CRTAC1: variants seen among roughly 807,000 people sequenced by gnomAD.
CRTAC1 encodes the protein acidic secreted protein in cartilage.
Under a neutral mutation model 67.8 loss-of-function variants are expected in CRTAC1, and 37 were observed. The observed-to-expected ratio is 0.55, with a 90% CI of 0.42 to 0.72. The LOEUF (loss-of-function observed/expected upper bound fraction) is 0.72. Ranked by LOEUF, CRTAC1 falls within the 30% of genes least tolerant of loss-of-function variation. The pLI, the probability that CRTAC1 is intolerant of heterozygous loss-of-function variation, is 0.00. For synonymous variants in CRTAC1, 348 were observed against 371.0 expected, an observed-to-expected ratio of 0.94 and a Z score of 0.71; for missense variants, 780 against 931.6, an observed-to-expected ratio of 0.84 and a Z score of 2.12.
intron 8 of CRTAC1, among the ~76,000 whole-genome samples, chr10:97,900,178 C>T (rs2136563594): frequency 6.6e-6 from 1 of 152,338 alleles, no homozygotes; most frequent in African/African-American, 2.4e-5. Context: ...CCAGCCCTTC[C>T]TCCCTAGACA....
At chr10:98,008,774 A>T (rs1402707240) in intron 2 of CRTAC1, among the ~76,000 whole-genome samples, 1 of 152,152 alleles carries the variant, frequency 6.6e-6, no homozygotes, top group Non-Finnish European at 1.5e-5. Flanking sequence ...AAAGGAGGGC[A>T]TAATAGTAGC....
chr10:97,922,764 G>A (rs1012213997), intron 4 of CRTAC1, among the ~76,000 whole-genome samples: 4 of 152,298 alleles, frequency 2.6e-5, no homozygotes, highest in South Asian at 2.1e-4. Context: ...TAAAGTACTC[G>A]TATATTGAGG....
intron 2 of CRTAC1, among the ~76,000 whole-genome samples, chr10:97,966,101 GAC>G (rs1369421189): frequency 2.0e-5 from 3 of 152,106 alleles, no homozygotes; most frequent in Non-Finnish European, 4.4e-5. Flanking sequence ...TCTTTTTTGA[GAC>G]AGTCTCACTC....
intron 4 of CRTAC1, among the ~76,000 whole-genome samples, chr10:97,920,497 C>T (rs1408999996): frequency 1.3e-5 from 2 of 149,388 alleles, no homozygotes; most frequent in African/African-American, 5.1e-5. Flanking sequence ...CTTGTTAAAA[C>T]ACAGATTTTT....
Position 97,884,230 on chromosome 10 carries a change from T to C in CRTAC1, c.1608A>G (p.Thr536=), listed in dbSNP as rs373702443. 1.3e-5 allele frequency: 21 copies of C among 1,569,696 alleles called. No individual in the cohort carries two copies. The African/African-American group carries it at 2.6e-4, about 19-fold the overall frequency. The change falls in exon 12 of 15, where the codon ACA becomes ACG. Residue 536 remains threonine, a synonymous_variant. Transcript: ENST00000370597. ...LEILYPRDED[T]LQDPAPLECG... ...CCTCCAGTGGGGCTGGGTCCTGAAGTGTGTCCTCATCCCGGGGGTAGAGGA... is the reference window on the plus strand; with the variant it reads ...CCTCCAGTGGGGCTGGGTCCTGAAGCGTGTCCTCATCCCGGGGGTAGAGGA...
At chr10:97,882,913 T>C in intron 12 of CRTAC1, 85 bp from the exon 13 acceptor site, 1 of 1,393,870 alleles carries the variant, frequency 7.2e-7, no homozygotes, top group Admixed American at 1.8e-5. Flanking sequence ...ACAGAGTAGT[T>C]GTCACCCTAA....
At chr10:97,925,944 C>T (rs558666708) in intron 3 of CRTAC1, among the ~76,000 whole-genome samples, 1 of 152,220 alleles carries the variant, frequency 6.6e-6, no homozygotes, top group East Asian at 1.9e-4. Flanking sequence ...ACGTTGGGAC[C>T]CCTTGAGACC....
chr10:98,016,676 A>C (rs2136700326), intron 1 of CRTAC1, among the ~76,000 whole-genome samples: 1 of 152,188 alleles, frequency 6.6e-6, no homozygotes, highest in Middle Eastern at 3.4e-3. Flanking sequence ...CTGAGGTGGG[A>C]GTTTGAGTGC....
intron 1 of CRTAC1, among the ~76,000 whole-genome samples, chr10:98,025,688 A>G (rs1354876176): frequency 6.6e-6 from 1 of 152,228 alleles, no homozygotes; most frequent in Non-Finnish European, 1.5e-5. Context: ...CAGGCTCTCC[A>G]GAAATCCCTA....
intron 2 of CRTAC1, among the ~76,000 whole-genome samples, chr10:97,949,007 AG>A (rs2051308244): frequency 6.6e-6 from 1 of 152,320 alleles, no homozygotes; most frequent in East Asian, 1.9e-4. Flanking sequence ...TCCCTCCCAC[AG>A]CACATGGAGA....
chr10:97,868,187 T>G (rs1305005683), intron 14 of CRTAC1: 2 of 152,224 alleles, frequency 1.3e-5, no homozygotes, highest in African/African-American at 4.8e-5. Flanking sequence ...TGTCTTGAAT[T>G]TTATAATTTA....
intron 2 of CRTAC1, among the ~76,000 whole-genome samples, chr10:97,969,829 C>T (rs955702901): frequency 1.3e-5 from 2 of 152,144 alleles, no homozygotes; most frequent in South Asian, 2.1e-4. Context: ...CATTGGGTAT[C>T]TCCTCTCCCA....
chr10:97,888,059 G>A (rs372489029), intron 11 of CRTAC1, among the ~76,000 whole-genome samples: 15 of 152,222 alleles, frequency 9.9e-5, no homozygotes, highest in African/African-American at 3.6e-4. Flanking sequence ...GCCCAGCAGA[G>A]GTCCGAGAGA....
chr10:98,002,232 TG>T (rs1334882822), intron 2 of CRTAC1, among the ~76,000 whole-genome samples: 5 of 152,254 alleles, frequency 3.3e-5, no homozygotes, highest in Non-Finnish European at 7.3e-5. Flanking sequence ...AATGTAGCTT[TG>T]CCGTTTTCAG....
intron 2 of CRTAC1, among the ~76,000 whole-genome samples, chr10:97,965,158 A>G (rs2136646312): frequency 6.6e-6 from 1 of 152,342 alleles, no homozygotes; most frequent in Non-Finnish European, 1.5e-5. Context: ...GGAGTGATTG[A>G]CCACAGGCTC....
intron 8 of CRTAC1, among the ~76,000 whole-genome samples, chr10:97,898,305 G>A (rs1372500720): frequency 6.6e-6 from 1 of 152,248 alleles, no homozygotes; most frequent in East Asian, 1.9e-4. Context: ...GAAGGCCTAG[G>A]GAGAGTGGGT....
chr10:97,936,201 G>C lies in CRTAC1; in HGVS notation c.390C>G (p.Ile130Met). ...AGGCATTATTGGTGTTGAGGAAGTA[G>C]ATCTCCTCCCGGCCGTCCCCGTCGA... ...CDIDGDGREE[I>M]YFLNTNNAFS... Residue 130 changes from isoleucine (I) to methionine (M), a missense_variant, in exon 3 of 15, where the codon ATC (isoleucine) becomes ATG (methionine). Ile to Met is a conservative substitution (Grantham distance 10). Transcript: ENST00000370597. 1 of 1,613,388 alleles carries C rather than the reference G, an allele frequency of 6.2e-7. No individual in the cohort carries two copies. Among genetic ancestry groups the C allele is most frequent in the Admixed American group, 1.7e-5 (1 of 59,958 alleles).
Position 97,896,909 on chromosome 10 carries a change from C to T in CRTAC1, c.1216G>A (p.Gly406Arg). 1.3e-6 allele frequency: 2 copies of T among 1,554,650 alleles called. No homozygotes were observed. Among genetic ancestry groups the T allele is most frequent in the Non-Finnish European group, 1.7e-6 (2 of 1,148,404 alleles). The part of the protein sequence containing the change: ...DALEPEGRGT[G>R]GVVTDFDGDG... ...GCCAGATCCCCCAGGTGCCCCTCAC[C>T]TGTGCCCCGGCCCTCAGGCTCCAAG... The change falls in exon 9 of 15, where the codon GGG becomes AGG. Residue 406 changes from glycine (G) to arginine (R), a missense_variant and splice_region_variant. By Grantham distance (125) the Gly-to-Arg change is moderately radical (BLOSUM62 -2). Transcript: ENST00000370597.
intron 5 of CRTAC1, 137 bp from the exon 6 acceptor site, chr10:97,908,284 T>C: frequency 1.1e-6 from 1 of 886,944 alleles, no homozygotes. Context: ...CTGCTTCCCG[T>C]GCTTTCCTGA....
Sources: allele counts gnomAD v4.1 joint callset (sites outside exome capture counted in the v4.1 genomes callset), GRCh38; gene constraint gnomAD v4.1.1; transcripts MANE v1.5; gene names NCBI Gene and HGNC (gene_info 2026-07-23, HGNC 2026-07-21).